USP45: variants seen among roughly 807,000 people sequenced by gnomAD.
The protein encoded by USP45 is ubiquitin specific peptidase 45.
A neutral mutation model predicts 95.8 loss-of-function variants in USP45; 89 were observed. The observed-to-expected ratio is 0.93, with a 90% CI of 0.78 to 1.11. USP45 has a LOEUF of 1.11. Ranked by LOEUF, USP45 falls within the 50% of genes least tolerant of loss-of-function variation. The pLI, the probability that USP45 is intolerant of heterozygous loss-of-function variation, is 0.00. For missense variants in USP45, 898 were observed against 942.5 expected, an observed-to-expected ratio of 0.95 and a Z score of 0.62; for synonymous variants, 281 against 316.2, an observed-to-expected ratio of 0.89 and a Z score of 1.18.
At position 99,435,668 on chromosome 6, in the gene USP45, C is replaced by A; in HGVS notation, c.*48G>T. On this transcript the variant is annotated 3_prime_UTR_variant, in exon 18 of 18. Transcript: ENST00000500704. The stretch of plus-strand genomic sequence containing the variant: ...GGCACATTATATATTATAGTTATCA[C>A]TGTGGCATTCAAAAACAAATGACCT... 6.5e-7 allele frequency: 1 copy of A among 1,527,988 alleles called. No individual in the cohort carries two copies. The highest frequency in any genetic ancestry group is 1.1e-5 in the South Asian group (1 of 87,148). The allele number at this position is 1,527,988 out of a possible 1,614,324, so 94.7% of individuals were successfully genotyped here. A position where few individuals can be genotyped will look rare whatever the true frequency, so the allele number is the denominator to read the frequency against.
At chr6:99,454,043 C>G (rs2128584725) in intron 13 of USP45, among the ~76,000 whole-genome samples, 1 of 152,140 alleles carries the variant, frequency 6.6e-6, no homozygotes, top group East Asian at 1.9e-4. Flanking sequence ...AGGGAGAAAG[C>G]TGGAAGCCTC....
rs781287940 is a variant in USP45, at chr6:99,468,579, T to A, written c.973A>T (p.Thr325Ser). 6.2e-7 allele frequency: 1 copy of A among 1,609,840 alleles called. No homozygotes were observed. The highest frequency in any genetic ancestry group is 1.7e-5 in the Admixed American group (1 of 59,748). Reference sequence around the variant, plus strand: ...GTTTCATCATCAGCAGTTTTAGTAGTTGGGTTGTTAAATGCTTTTAGAATG... The same window carrying A: ...GTTTCATCATCAGCAGTTTTAGTAGATGGGTTGTTAAATGCTTTTAGAATG... ...ASILKAFNNP[T>S]TKTADDETRK... Residue 325 changes from threonine (T) to serine (S), a missense_variant, in exon 10 of 18, where the codon ACT becomes TCT. By Grantham distance (58) the Thr-to-Ser change is moderately conservative. Transcript: ENST00000500704.
chr6:99,468,670 C>G (rs1315844919), intron 9 of USP45, 52 bp from the exon 10 acceptor site: 2 of 1,212,320 alleles, frequency 1.6e-6, no homozygotes, highest in Admixed American at 4.1e-5. Flanking sequence ...ACTCAGGCCT[C>G]ATCCTCCTAA....
chr6:99,440,294 T>C (rs905654608), intron 15 of USP45, among the ~76,000 whole-genome samples: 5 of 152,206 alleles, frequency 3.3e-5, no homozygotes, highest in Non-Finnish European at 5.9e-5. Context: ...AATTCAATTA[T>C]ATTCATTCAT....
chr6:99,435,846 C>G lies in USP45; in HGVS notation c.2315G>C (p.Gly772Ala). 6.2e-7 allele frequency: 1 copy of G among 1,604,820 alleles called. No individual in the cohort carries two copies. The highest frequency in any genetic ancestry group is 8.5e-7 in the Non-Finnish European group (1 of 1,177,154). The change falls in exon 18 of 18, where the codon GGT becomes GCT. Residue 772 changes from glycine to alanine, a missense_variant and splice_region_variant. Transcript: ENST00000500704. ...EHNTKKKNVP[G>A]LKAADNESAG... The stretch of plus-strand genomic sequence containing the variant: ...TGATTCATTATCAGCCGCTTTCAAA[C>G]CTAGCAAAACAAAAAGAAGTACAAT...
chr6:99,513,832 A>G (rs1004006978), intron 1 of USP45, among the ~76,000 whole-genome samples: 1 of 152,226 alleles, frequency 6.6e-6, no homozygotes, highest in Non-Finnish European at 1.5e-5. Context: ...CAAAAGGGCA[A>G]AATTAAAAGT....
Position 99,510,237 on chromosome 6 carries a change from G to GGA in USP45, c.-10-9_-10-8dup, listed in dbSNP as rs761814494. ...CACCCGCATCTGTTATTTACTGAAG[G>GGA]GATTGAGGGAAAAAAATTCATACAT... is the stretch of plus-strand genomic sequence containing the variant. On this transcript the variant is annotated splice_polypyrimidine_tract_variant and splice_region_variant and intron_variant, in intron 1 of 17. Transcript: ENST00000500704. The GGA allele has an allele frequency of 2.5e-6, 4 of 1,586,898 alleles. No individual in the cohort carries two copies. The African/African-American group carries it at 5.4e-5, about 21-fold the overall frequency.
chr6:99,445,907 G>C lies in USP45; in HGVS notation c.1865C>G (p.Ser622Cys). ...CATAGATGTAAACTGGTAGAGACAG[G>C]ACTGAATTGAACATTCTTTAGAAGT... ...ITTSKECSIQ[S>C]CLYQFTSMEL... Residue 622 changes from serine to cysteine, a missense_variant, in exon 14 of 18, where the codon TCC (serine) becomes TGC (cysteine). Transcript: ENST00000500704. The C allele has an allele frequency of 6.2e-7, 1 of 1,614,008 alleles. No individual in the cohort carries two copies. Among genetic ancestry groups the C allele is most frequent in the Non-Finnish European group, 8.5e-7 (1 of 1,179,994 alleles).
At chr6:99,487,250 G>A (rs1369952965) in intron 7 of USP45, among the ~76,000 whole-genome samples, 1 of 152,168 alleles carries the variant, frequency 6.6e-6, no homozygotes, top group East Asian at 1.9e-4. Context: ...TTGGCTGAAG[G>A]AGGGTGTTTC....
chr6:99,466,365 T>C (rs1787972064), intron 11 of USP45, among the ~76,000 whole-genome samples: 3 of 152,164 alleles, frequency 2.0e-5, no homozygotes, highest in Admixed American at 2.0e-4. Context: ...GTTACTCTCT[T>C]CACAGAAGTT....
chr6:99,515,986 C>T (rs1801071594), upstream of USP45, among the ~76,000 whole-genome samples: 1 of 151,912 alleles, frequency 6.6e-6, no homozygotes, highest in African/African-American at 2.4e-5. Flanking sequence ...ACCGTGTTAG[C>T]CAGGATGGTC....
intron 4 of USP45, among the ~76,000 whole-genome samples, chr6:99,505,932 GC>G (rs1298401090): frequency 2.0e-5 from 3 of 152,154 alleles, no homozygotes; most frequent in African/African-American, 7.2e-5. Context: ...TTATTGAACT[GC>G]CACACTATGG....
intron 17 of USP45, among the ~76,000 whole-genome samples, chr6:99,436,590 A>C (rs1402921451): frequency 6.6e-6 from 1 of 151,958 alleles, no homozygotes; most frequent in African/African-American, 2.4e-5. Context: ...TAGTTGGATG[A>C]CCCATAAACA....
intron 14 of USP45, among the ~76,000 whole-genome samples, chr6:99,444,542 C>T (rs1782120973): frequency 6.6e-6 from 1 of 152,110 alleles, no homozygotes; most frequent in African/African-American, 2.4e-5. Flanking sequence ...GCAAACCAAT[C>T]CAGAGCCCAG....
In USP45 at chr6:99,488,768, T is replaced by C. The variant is rs539778495; in HGVS notation, c.531A>G (p.Glu177=). The change falls in exon 6 of 18, where the codon GAA becomes GAG. Residue 177 remains glutamate, a synonymous_variant. Coordinates refer to ENST00000500704, the MANE Select transcript of USP45 (RefSeq NM_001346022.3). ...KLCEEKCETD[E]IQKGGKCRNL... is the part of the protein sequence containing the mutation. Reference sequence around the variant, plus strand: ...TTCTGCATTTTCCTCCCTTCTGTATTTCATCTGTTTCACATTTTTCTTCAC... The same window carrying C: ...TTCTGCATTTTCCTCCCTTCTGTATCTCATCTGTTTCACATTTTTCTTCAC... 1 of 1,603,158 alleles carries C rather than the reference T, an allele frequency of 6.2e-7. No homozygotes were observed. Among genetic ancestry groups the C allele is most frequent in the South Asian group, 1.1e-5 (1 of 88,338 alleles).
intron 5 of USP45, among the ~76,000 whole-genome samples, chr6:99,500,060 G>A (rs1391221640): frequency 6.6e-6 from 1 of 152,164 alleles, no homozygotes; most frequent in African/African-American, 2.4e-5. Flanking sequence ...ATTACTGCCT[G>A]GGGTCACACA....
At chr6:99,440,627 T>C (rs1175019312) in intron 15 of USP45, among the ~76,000 whole-genome samples, 2 of 152,224 alleles carry the variant, frequency 1.3e-5, no homozygotes, top group South Asian at 2.1e-4. Context: ...ATTTGCATAC[T>C]AATCACAAGT....
At chr6:99,473,406 G>C (rs1789941527) in intron 9 of USP45, among the ~76,000 whole-genome samples, 1 of 151,876 alleles carries the variant, frequency 6.6e-6, no homozygotes. Context: ...AATTAGCCAG[G>C]CTTGGTGATA....
intron 7 of USP45, among the ~76,000 whole-genome samples, chr6:99,484,287 C>T (rs1377260768): frequency 6.6e-6 from 1 of 151,828 alleles, no homozygotes; most frequent in East Asian, 1.9e-4. Flanking sequence ...CCTGCTTCCA[C>T]CTCCTGAGCA....
Sources: allele counts gnomAD v4.1 joint callset (sites outside exome capture counted in the v4.1 genomes callset), GRCh38; gene constraint gnomAD v4.1.1; transcripts MANE v1.5; gene names NCBI Gene and HGNC (gene_info 2026-07-23, HGNC 2026-07-21).